The following RALYL variants were observed in gnomAD, a reference collection of about 807,000 sequenced individuals.
The protein encoded by RALYL is RALY RNA binding protein like.
RALYL carries 29 observed loss-of-function variants against 35.1 expected under a neutral mutation model. The ratio of observed to expected loss-of-function variants is 0.83; its 90% CI spans 0.61 to 1.13. The LOEUF is 1.13. RALYL is among the 50% of genes most tolerant of loss of function. RALYL has a pLI of 0.00. For missense variants in RALYL, 359 were observed against 360.4 expected, an observed-to-expected ratio of 1.00 and a Z score of 0.03; for synonymous variants, 120 against 127.6, an observed-to-expected ratio of 0.94 and a Z score of 0.40.
intron 1 of RALYL, among the ~76,000 whole-genome samples, chr8:84,407,001 C>CCTCT (rs151279468): frequency 4.6e-4 from 68 of 148,652 alleles, no homozygotes; most frequent in East Asian, 3.4e-3. Context: ...TCTCTCTCTC[C>CCTCT]CTCTCTCTCT....
chr8:84,569,601 T>C (rs928577282), intron 2 of RALYL, among the ~76,000 whole-genome samples: 1 of 151,922 alleles, frequency 6.6e-6, no homozygotes, highest in Non-Finnish European at 1.5e-5. Context: ...TTAACTGTCA[T>C]TTGTCTATTT....
chr8:84,840,692 A>G (rs1352940617), intron 4 of RALYL, among the ~76,000 whole-genome samples: 1 of 152,240 alleles, frequency 6.6e-6, no homozygotes, highest in Non-Finnish European at 1.5e-5. Context: ...GAAATGAAGG[A>G]AAAAATGTTA....
chr8:84,595,413 C>T (rs539613403), intron 2 of RALYL, among the ~76,000 whole-genome samples: 2 of 152,218 alleles, frequency 1.3e-5, no homozygotes, highest in South Asian at 4.1e-4. Flanking sequence ...GAATATTTAT[C>T]AGAGAACTAA....
At chr8:84,680,249 T>C (rs1835142363) in intron 2 of RALYL, among the ~76,000 whole-genome samples, 1 of 152,224 alleles carries the variant, frequency 6.6e-6, no homozygotes, top group South Asian at 2.1e-4. Flanking sequence ...CAGTCTATCA[T>C]TGTTGGACAT....
At chr8:84,622,836 A>G (rs1821850871) in intron 2 of RALYL, among the ~76,000 whole-genome samples, 1 of 152,224 alleles carries the variant, frequency 6.6e-6, no homozygotes, top group Non-Finnish European at 1.5e-5. Flanking sequence ...CTCAAGATGT[A>G]AGAATTGACG....
Position 84,887,591 on chromosome 8 carries a change from C to A in RALYL, c.686-13C>A. Reference sequence around the variant, plus strand: ...ACCCAAGGTAGTAGTCATTTGCTTTCTCCCCCCCCCAGAAGCTCAGAAGAA... The same window carrying A: ...ACCCAAGGTAGTAGTCATTTGCTTTATCCCCCCCCCAGAAGCTCAGAAGAA... On this transcript the variant is annotated splice_polypyrimidine_tract_variant and intron_variant, in intron 7 of 8. Transcript: ENST00000521268. 1 of 1,553,902 alleles carries A rather than the reference C, an allele frequency of 6.4e-7. No homozygotes were observed. The highest frequency in any genetic ancestry group is 2.4e-5 in the East Asian group (1 of 41,404).
intron 1 of RALYL, chr8:84,184,798 A>C: frequency 1.7e-6 from 1 of 576,732 alleles, no homozygotes; most frequent in Non-Finnish European, 3.1e-6. Context: ...AGGAGGGGCG[A>C]GGGCCGTGTA....
At chr8:84,406,537 A>AT (rs1316803223) in intron 1 of RALYL, among the ~76,000 whole-genome samples, 24 of 151,906 alleles carry the variant, frequency 1.6e-4, no homozygotes, top group Admixed American at 5.9e-4. Context: ...GTGGATCAGA[A>AT]AGTGCTGGGT....
At position 84,796,421 on chromosome 8, in the gene RALYL, T is replaced by C. The variant is rs192573301; in HGVS notation, c.333-8349T>C. ...GAATTCACCTACAGTTATCCATGAA[T>C]ATCCTTTCCCTATTACATAAAGAAG... On this transcript the variant is annotated intron_variant, in intron 3 of 8. Coordinates refer to ENST00000521268, the MANE Select transcript of RALYL (RefSeq NM_173848.7). Among the ~76,000 whole-genome samples, 191 of 152,366 alleles carry C rather than the reference T, an allele frequency of 1.3e-3. 1 individual carries two copies. The highest frequency in any genetic ancestry group is 3.6e-3 in the African/African-American group (149 of 41,600).
chr8:84,915,193 G>C (rs557099560), intron 8 of RALYL, among the ~76,000 whole-genome samples: 4 of 152,146 alleles, frequency 2.6e-5, no homozygotes, highest in Admixed American at 6.6e-5. Context: ...GCTTAGCCCA[G>C]TTCCAGATCC....
intron 1 of RALYL, among the ~76,000 whole-genome samples, chr8:84,206,324 C>T (rs1378997697): frequency 6.6e-6 from 1 of 152,240 alleles, no homozygotes; most frequent in African/African-American, 2.4e-5. Flanking sequence ...TAACTTCAGC[C>T]TTCCTCGTGG....
At chr8:84,873,170 C>CCT in intron 6 of RALYL, 114 bp from the exon 7 acceptor site, 1 of 542,848 alleles carries the variant, frequency 1.8e-6, no homozygotes, top group Non-Finnish European at 3.3e-6. Flanking sequence ...TGAAAAATGT[C>CCT]CTATGTGATT....
chr8:84,748,520 A>G (rs1000894895), intron 2 of RALYL, among the ~76,000 whole-genome samples: 4 of 152,056 alleles, frequency 2.6e-5, no homozygotes, highest in African/African-American at 9.7e-5. Context: ...TGAGTTACTT[A>G]AAAAACAAAG....
chr8:84,680,557 G>C (rs1287766127), intron 2 of RALYL, among the ~76,000 whole-genome samples: 20 of 152,132 alleles, frequency 1.3e-4, no homozygotes. Flanking sequence ...GGTGTGAGAT[G>C]GTATCTCATT....
intron 1 of RALYL, among the ~76,000 whole-genome samples, chr8:84,317,823 G>A (rs1237350820): frequency 2.0e-5 from 3 of 151,978 alleles, no homozygotes; most frequent in African/African-American, 7.3e-5. Context: ...TGACCTACTT[G>A]GAAAATCACA....
chr8:84,237,140 A>C (rs1033718666), intron 1 of RALYL, among the ~76,000 whole-genome samples: 35 of 152,308 alleles, frequency 2.3e-4, no homozygotes, highest in African/African-American at 7.5e-4. Context: ...TCTTAATGGG[A>C]AATAAGTTAC....
intron 1 of RALYL, among the ~76,000 whole-genome samples, chr8:84,261,280 G>A (rs902516038): frequency 1.6e-5 from 2 of 127,448 alleles, no homozygotes; most frequent in African/African-American, 2.8e-5. Context: ...TGGCTGTGTC[G>A]CCACAAAAAT....
chr8:84,691,304 A>C (rs1405015972), intron 2 of RALYL, among the ~76,000 whole-genome samples: 1 of 152,048 alleles, frequency 6.6e-6, no homozygotes, highest in African/African-American at 2.4e-5. Flanking sequence ...TCTGGTTTAC[A>C]AGGAGGTTAT....
chr8:84,486,126 T>C (rs963842298), intron 1 of RALYL, among the ~76,000 whole-genome samples: 1 of 151,028 alleles, frequency 6.6e-6, no homozygotes, highest in Non-Finnish European at 1.5e-5. Context: ...GTGTACCTAG[T>C]GTGCATTTGA....
Sources: gnomAD v4.1 joint callset for allele counts (sites outside exome capture counted in the v4.1 genomes callset) on GRCh38, gnomAD v4.1.1 for gene constraint, MANE v1.5 for transcripts, NCBI Gene and HGNC (gene_info 2026-07-23, HGNC 2026-07-21) for gene names.